CDH13: variants seen among roughly 807,000 people sequenced by gnomAD.
The protein encoded by CDH13 is cadherin 13, also known as cadherin-13.
CDH13 carries 24 observed loss-of-function variants against 63.8 expected under a neutral mutation model. That is an observed-to-expected ratio of 0.38 (90% CI 0.27 to 0.53). CDH13 has a LOEUF of 0.53. Among genes scored for constraint, CDH13 ranks in the 20% least tolerant of loss-of-function variants. CDH13 has a pLI of 0.85. For synonymous variants in CDH13, 503 were observed against 355.3 expected (o/e 1.42, Z -4.67); for missense variants, 1,049 against 903.1 (o/e 1.16, Z -2.07).
At chr16:83,213,536 G>A (rs1053061521) in intron 4 of CDH13, among the ~76,000 whole-genome samples, 5 of 152,118 alleles carry the variant, frequency 3.3e-5, no homozygotes, top group South Asian at 2.1e-4. Flanking sequence ...CTTCACCAGC[G>A]GGGCCTGTGT....
At chr16:83,540,893 G>A (rs2075285555) in intron 7 of CDH13, among the ~76,000 whole-genome samples, 1 of 152,302 alleles carries the variant, frequency 6.6e-6, no homozygotes, top group East Asian at 1.9e-4. Flanking sequence ...GCCTCCCAAA[G>A]TGCTGGGATT....
chr16:82,704,283 G>A (rs1445124373), intron 1 of CDH13, among the ~76,000 whole-genome samples: 2 of 152,202 alleles, frequency 1.3e-5, no homozygotes, highest in African/African-American at 2.4e-5. Context: ...CTGAATTTGA[G>A]TTTGAATTAT....
intron 1 of CDH13, among the ~76,000 whole-genome samples, chr16:82,801,270 T>A (rs2036841468): frequency 6.6e-6 from 1 of 152,218 alleles, no homozygotes; most frequent in South Asian, 2.1e-4. Flanking sequence ...GCTATCAGCC[T>A]GTTTCTGTTA....
chr16:83,379,400 C>T (rs190255349), intron 6 of CDH13, among the ~76,000 whole-genome samples: 4 of 152,064 alleles, frequency 2.6e-5, no homozygotes, highest in East Asian at 1.9e-4. Flanking sequence ...GGTGGAGAGA[C>T]GGATGAGTGG....
At chr16:83,408,621 C>A (rs1487502311) in intron 6 of CDH13, among the ~76,000 whole-genome samples, 1 of 152,176 alleles carries the variant, frequency 6.6e-6, no homozygotes, top group Non-Finnish European at 1.5e-5. Flanking sequence ...AGACAACTTT[C>A]CTATATGTGG....
At chr16:82,694,393 C>T (rs2030002348) in intron 1 of CDH13, among the ~76,000 whole-genome samples, 1 of 152,210 alleles carries the variant, frequency 6.6e-6, no homozygotes, top group Admixed American at 6.5e-5. Context: ...CAACATTCAG[C>T]ACTTTTTTCT....
intron 4 of CDH13, among the ~76,000 whole-genome samples, chr16:83,135,060 G>T (rs565736814): frequency 6.6e-6 from 1 of 152,294 alleles, no homozygotes; most frequent in South Asian, 2.1e-4. Flanking sequence ...TCCAGACTCA[G>T]GGTTGTTGAA....
At chr16:83,133,766 T>A (rs2036157947) in intron 4 of CDH13, among the ~76,000 whole-genome samples, 1 of 152,230 alleles carries the variant, frequency 6.6e-6, no homozygotes, top group Non-Finnish European at 1.5e-5. Context: ...CCCAAAGTGC[T>A]GGGATTACAG....
chr16:83,503,401 C>T (rs969367074), intron 7 of CDH13, among the ~76,000 whole-genome samples: 1 of 152,162 alleles, frequency 6.6e-6, no homozygotes, highest in African/African-American at 2.4e-5. Context: ...CAACACGCCA[C>T]ATCTACCTGG....
chr16:82,670,352 T>A (rs1913092450), intron 1 of CDH13, among the ~76,000 whole-genome samples: 1 of 152,234 alleles, frequency 6.6e-6, no homozygotes, highest in Non-Finnish European at 1.5e-5. Context: ...ATTTCTTTCC[T>A]CTTCCTTCTC....
At chr16:83,185,981 G>T (rs1020456368) in intron 4 of CDH13, among the ~76,000 whole-genome samples, 5 of 152,174 alleles carry the variant, frequency 3.3e-5, no homozygotes, top group African/African-American at 4.8e-5. Context: ...TGGAAGAAAA[G>T]AAATTATACC....
At chr16:83,585,079 G>A (rs577620813) in intron 7 of CDH13, among the ~76,000 whole-genome samples, 57 of 152,208 alleles carry the variant, frequency 3.7e-4, no homozygotes, top group East Asian at 9.7e-4. Flanking sequence ...TATCCAAACC[G>A]TATCAGATGC....
At chr16:83,571,379 A>T (rs1162464249) in intron 7 of CDH13, among the ~76,000 whole-genome samples, 1 of 152,150 alleles carries the variant, frequency 6.6e-6, no homozygotes, top group African/African-American at 2.4e-5. Flanking sequence ...TCTCAGCTTG[A>T]TGTTGGGCCA....
intron 1 of CDH13, among the ~76,000 whole-genome samples, chr16:82,713,414 T>C (rs144211584): frequency 6.8e-4 from 103 of 152,238 alleles, no homozygotes; most frequent in African/African-American, 2.3e-3. Context: ...AGCTTCTGTG[T>C]CCTTGAGGGG....
chr16:83,075,951 A>G (rs1043807368), intron 3 of CDH13, among the ~76,000 whole-genome samples: 4 of 152,238 alleles, frequency 2.6e-5, no homozygotes, highest in African/African-American at 9.6e-5. Flanking sequence ...TGGCAGGATC[A>G]GCTTCGTGAC....
intron 1 of CDH13, among the ~76,000 whole-genome samples, chr16:82,696,559 A>G (rs1332766482): frequency 6.6e-6 from 1 of 152,200 alleles, no homozygotes; most frequent in East Asian, 1.9e-4. Context: ...GATTCAGGTG[A>G]TAGAAACAAA....
chr16:82,850,431 G>A (rs891254727), intron 1 of CDH13, among the ~76,000 whole-genome samples: 1 of 152,192 alleles, frequency 6.6e-6, no homozygotes, highest in Non-Finnish European at 1.5e-5. Context: ...AATGGATGAG[G>A]AGCTGCTTCT....
chr16:83,032,215 G>C lies in CDH13; in HGVS notation c.363G>C (p.Leu121Phe). Residue 121 changes from leucine (L) to phenylalanine (F), a missense_variant, in exon 3 of 14, where the codon TTG becomes TTC. Coordinates refer to ENST00000567109, the MANE Select transcript of CDH13 (RefSeq NM_001257.5). ...GGGGGAAAGACATCCAGGGCTCCTT[G>C]CAGGTAACACATCTGTTTGAGATAA... ...IVGGKDIQGSLQDIFKFARTS... is the reference protein window; with the variant it reads ...IVGGKDIQGSFQDIFKFARTS... 1 of 1,612,708 alleles carries C rather than the reference G, an allele frequency of 6.2e-7. No homozygotes were observed. The highest frequency in any genetic ancestry group is 8.5e-7 in the Non-Finnish European group (1 of 1,178,994).
intron 2 of CDH13, among the ~76,000 whole-genome samples, chr16:82,888,658 C>A (rs944836392): frequency 6.6e-6 from 1 of 152,194 alleles, no homozygotes; most frequent in Non-Finnish European, 1.5e-5. Context: ...TTCTGTGATG[C>A]TTAGCATATG....
Sources: gnomAD v4.1 joint callset for allele counts (sites outside exome capture counted in the v4.1 genomes callset) on GRCh38, gnomAD v4.1.1 for gene constraint, MANE v1.5 for transcripts, NCBI Gene and HGNC (gene_info 2026-07-23, HGNC 2026-07-21) for gene names.